NBAS: variants seen among roughly 807,000 people sequenced by gnomAD.
NBAS encodes NAG/BC035112 fusion.
A neutral mutation model predicts 302.5 loss-of-function variants in NBAS; 219 were observed. The ratio of observed to expected loss-of-function variants is 0.72; its 90% confidence interval spans 0.65 to 0.81. The LOEUF (loss-of-function observed/expected upper bound fraction) is 0.81, where lower values mean the gene tolerates loss of function less well. Ranked by LOEUF, NBAS falls within the 30% of genes least tolerant of loss-of-function variation. The pLI, the probability that NBAS is intolerant of heterozygous loss-of-function variation, is 0.00. For synonymous variants in NBAS, 1,118 were observed against 1,021.6 expected (o/e 1.09, Z -1.80); for missense variants, 2,932 against 2,841.6 (o/e 1.03, Z -0.72).
At chr2:15,038,898 C>T in the NBAS span, among the ~76,000 whole-genome samples, 1 of 152,168 alleles carries the variant, frequency 6.6e-6, no homozygotes, top group African/African-American at 2.4e-5. Flanking sequence ...ATGTCTTCTG[C>T]AAATTTTACC....
intron 45 of NBAS, among the ~76,000 whole-genome samples, chr2:15,237,634 C>G (rs4668887): frequency 2.9e-4 from 43 of 150,786 alleles, no homozygotes; most frequent in Non-Finnish European, 5.5e-4. Flanking sequence ...CTCGCTCTGT[C>G]GCCCAGGCTG....
intron 44 of NBAS, among the ~76,000 whole-genome samples, chr2:15,271,888 A>G (rs953705656): frequency 1.3e-5 from 2 of 152,162 alleles, no homozygotes; most frequent in African/African-American, 4.8e-5. Flanking sequence ...GCAATAGAGG[A>G]GCAACTCTAA....
At chr2:15,486,778 G>T (rs1680646112) in intron 12 of NBAS, among the ~76,000 whole-genome samples, 1 of 151,260 alleles carries the variant, frequency 6.6e-6, no homozygotes, top group Non-Finnish European at 1.5e-5. Context: ...TCTAATCAAT[G>T]AATTATATTA....
chr2:14,900,109 A>C, the NBAS span, among the ~76,000 whole-genome samples: 98 of 119,330 alleles, frequency 8.2e-4, 1 homozygote, highest in South Asian at 0.024. Context: ...TTTAAGTCAC[A>C]TGCTTTTTTT....
At chr2:15,542,904 C>T (rs1029086522) in intron 6 of NBAS, among the ~76,000 whole-genome samples, 4 of 152,216 alleles carry the variant, frequency 2.6e-5, no homozygotes, top group East Asian at 1.9e-4. Context: ...CTAGTTACAA[C>T]CAGTAACTCC....
the NBAS span, among the ~76,000 whole-genome samples, chr2:14,827,236 T>A: frequency 1.3e-5 from 2 of 152,256 alleles, no homozygotes; most frequent in African/African-American, 4.8e-5. Flanking sequence ...TTACTCACAT[T>A]GTGAGTGGTG....
chr2:15,474,549 T>TTTCTTCTTCTTCTTCTTC (rs57852145), intron 14 of NBAS, among the ~76,000 whole-genome samples: 13 of 147,846 alleles, frequency 8.8e-5, no homozygotes, highest in African/African-American at 3.0e-4. Flanking sequence ...AGCCTGTTTT[T>TTTCTTCTTCTTCTTCTTC]TTCTTCTTCT....
chr2:15,433,940 A>C (rs1397873263), intron 21 of NBAS, among the ~76,000 whole-genome samples: 4 of 151,768 alleles, frequency 2.6e-5, no homozygotes, highest in Admixed American at 2.6e-4. Context: ...CTCTTCAAGA[A>C]AAAGAAAAAG....
At chr2:15,551,326 A>C (rs1664371766) in intron 6 of NBAS, among the ~76,000 whole-genome samples, 167 bp downstream of exon 6, 1 of 140,954 alleles carries the variant, frequency 7.1e-6, no homozygotes, top group African/African-American at 2.6e-5. Flanking sequence ...TTTAAAGCAA[A>C]ATATTTAAGA....
chr2:15,249,469 A>G (rs1251163105), intron 44 of NBAS, among the ~76,000 whole-genome samples: 1 of 152,206 alleles, frequency 6.6e-6, no homozygotes, highest in African/African-American at 2.4e-5. Context: ...GGCCAGGGCA[A>G]TCACGCAAGA....
rs1429892090 is a variant in NBAS, at chr2:15,387,169, G to A, written c.3258-3852C>T. ...TGCAAGCTCTGCCTCCCGGGTTCACGCCATTCTCCTGCCTCAGCCTCCCAA... is the reference window on the plus strand; with the variant it reads ...TGCAAGCTCTGCCTCCCGGGTTCACACCATTCTCCTGCCTCAGCCTCCCAA... On this transcript the variant is annotated intron_variant, in intron 28 of 51. Transcript: ENST00000281513. 2.0e-5 allele frequency among the ~76,000 whole-genome samples: 3 copies of A among 150,890 alleles called. No homozygotes were observed. In the East Asian group the frequency reaches 5.8e-4, roughly 29 times the overall value.
intron 21 of NBAS, among the ~76,000 whole-genome samples, chr2:15,441,540 T>C (rs1214282526): frequency 3.9e-5 from 6 of 152,082 alleles, no homozygotes; most frequent in South Asian, 4.2e-4. Flanking sequence ...CGGTACCAGC[T>C]GCTGCAAAAT....
intron 35 of NBAS, among the ~76,000 whole-genome samples, chr2:15,347,000 G>C (rs1673122734): frequency 6.6e-6 from 1 of 152,142 alleles, no homozygotes; most frequent in Non-Finnish European, 1.5e-5. Context: ...AGGGCCTGTT[G>C]AGGGGTTGCG....
At chr2:14,949,036 C>T in the NBAS span, among the ~76,000 whole-genome samples, 1 of 152,148 alleles carries the variant, frequency 6.6e-6, no homozygotes, top group South Asian at 2.1e-4. Context: ...AACTGAATAA[C>T]CATTTCAGAA....
At chr2:14,881,310 G>A in the NBAS span, among the ~76,000 whole-genome samples, 1 of 152,102 alleles carries the variant, frequency 6.6e-6, no homozygotes, top group Non-Finnish European at 1.5e-5. Context: ...TTAACTATGG[G>A]TACACATAGA....
At chr2:15,440,112 T>G (rs555641354) in intron 21 of NBAS, among the ~76,000 whole-genome samples, 96 of 152,356 alleles carry the variant, frequency 6.3e-4, no homozygotes, top group African/African-American at 2.2e-3. Flanking sequence ...CAGTAATCTC[T>G]GCAGACTTAA....
At chr2:14,840,090 A>T in the NBAS span, among the ~76,000 whole-genome samples, 1 of 152,146 alleles carries the variant, frequency 6.6e-6, no homozygotes, top group East Asian at 1.9e-4. Flanking sequence ...ATTGAAATAA[A>T]TTTTTAAAAA....
rs553787074 is a variant in NBAS at position 15,171,449 on chromosome 2, T to C, written c.6841-4126A>G. ...AAGAATTTTTAAATTGTTTTTTACA[T>C]AGTTTTCAGTCTTAAAAATTTTAAT... On this transcript the variant is annotated intron_variant, in intron 51 of 51. Transcript: ENST00000281513. 9.2e-5 allele frequency among the ~76,000 whole-genome samples: 14 copies of C among 152,382 alleles called. No homozygotes were observed. The South Asian group carries it at 1.0e-3, about 11-fold the overall frequency.
At chr2:15,289,380 G>T (rs1670200301) in intron 41 of NBAS, among the ~76,000 whole-genome samples, 1 of 152,188 alleles carries the variant, frequency 6.6e-6, no homozygotes, top group Non-Finnish European at 1.5e-5. Flanking sequence ...GGGATTACAG[G>T]TGTGAGCCAC....
Sources: allele counts gnomAD v4.1 joint callset (sites outside exome capture counted in the v4.1 genomes callset), GRCh38; gene constraint gnomAD v4.1.1; transcripts MANE v1.5; gene names NCBI Gene and HGNC (gene_info 2026-07-23, HGNC 2026-07-21).